TTC23: variants seen among roughly 807,000 people sequenced by gnomAD.
TTC23 encodes tetratricopeptide repeat domain 23.
In TTC23, 58 loss-of-function variants were observed where a neutral mutation model predicts 55.1. The observed-to-expected ratio is 1.05, with a 90% confidence interval of 0.85 to 1.31. The LOEUF is 1.31. TTC23 is among the 50% of genes most tolerant of loss of function. TTC23 has a pLI of 0.00. For synonymous variants in TTC23, 203 were observed against 199.9 expected (o/e 1.02, Z -0.13); for missense variants, 516 against 534.4 (o/e 0.97, Z 0.34).
intron 3 of TTC23, among the ~76,000 whole-genome samples, chr15:99,240,321 TTAA>T (rs2079666070): frequency 6.6e-6 from 1 of 152,362 alleles, no homozygotes; most frequent in South Asian, 2.1e-4. Context: ...ATGCTGCCTC[TTAA>T]TATTGCATCC....
In TTC23 at chr15:99,175,074, C is replaced by T. The variant is rs751075200; in HGVS notation, c.841G>A (p.Ala281Thr). Residue 281 changes from alanine (A) to threonine (T), a missense_variant, in exon 10 of 14, where the codon GCT (alanine) becomes ACT (threonine). Ala to Thr is a moderately conservative substitution (Grantham distance 58). Transcript: ENST00000394132. ...CCATGGTGCTCGTGTCTCCCTGAAG[C>T]GACAGCAGCATGGGCGACGATGTGT... ...SAHIVAHAAV[A>T]SGRHEHHDVA... is the part of the protein sequence containing the mutation. 33 of 1,614,018 alleles carry T rather than the reference C, an allele frequency of 2.0e-5. No homozygotes were observed. The highest frequency in any genetic ancestry group is 1.6e-4 in the Middle Eastern group (1 of 6,084).
At position 99,221,840 on chromosome 15, in the gene TTC23, C is replaced by A. The variant is rs142467925; in HGVS notation, c.205G>T (p.Val69Leu). The A allele has an allele frequency of 2.5e-6, 4 of 1,614,196 alleles. No homozygotes were observed. The highest frequency in any genetic ancestry group is 1.7e-5 in the Admixed American group (1 of 60,032). The change falls in exon 6 of 14, where the codon GTG becomes TTG. Residue 69 changes from valine (V) to leucine (L), a missense_variant. Transcript: ENST00000394132. ...HEYKQAVHELVRCVALTRICY... is the reference protein window; with the variant it reads ...HEYKQAVHELLRCVALTRICY... ...ATTCTTGTCAGTGCTACGCAACGCA[C>A]AAGCTCATGGACGGCCTGTTTGTAC...
At chr15:99,228,228 A>G (rs2078626591) in intron 5 of TTC23, among the ~76,000 whole-genome samples, 1 of 152,226 alleles carries the variant, frequency 6.6e-6, no homozygotes, top group Non-Finnish European at 1.5e-5. Context: ...AAGATTTGAG[A>G]TTATAAGGAA....
At chr15:99,239,323 A>G (rs989727605) in intron 3 of TTC23, among the ~76,000 whole-genome samples, 1 of 152,112 alleles carries the variant, frequency 6.6e-6, no homozygotes, top group Non-Finnish European at 1.5e-5. Context: ...CATCTCTACT[A>G]AAAATACAAA....
chr15:99,238,573 T>C (rs922691126), intron 3 of TTC23, among the ~76,000 whole-genome samples: 1 of 152,062 alleles, frequency 6.6e-6, no homozygotes, highest in Admixed American at 6.6e-5. Context: ...TACAAAAGGC[T>C]TGGAAGTGGG....
chr15:99,139,455 A>G, intron 12 of TTC23, 56 bp from the exon 13 acceptor site: 1 of 1,611,176 alleles, frequency 6.2e-7, no homozygotes, highest in Non-Finnish European at 8.5e-7. Flanking sequence ...GAGAGCAGGA[A>G]ACTAAGGTCT....
intron 4 of TTC23, 23 bp from the exon 5 acceptor site, chr15:99,228,755 A>T: frequency 6.8e-7 from 1 of 1,475,674 alleles, no homozygotes; most frequent in Non-Finnish European, 9.1e-7. Context: ...TAAAAAACAA[A>T]GATGTTAAAT....
rs531002297 is a variant in TTC23 at position 99,231,942 on chromosome 15, G to A, written c.-21+3046C>T. ...TGAGTAGGTGGGATTACAGGCATGC[G>A]CCACCATGCCTGGCTAATTTTGTAT... is the stretch of plus-strand genomic sequence containing the variant. On this transcript the variant is annotated intron_variant, in intron 4 of 13. Transcript: ENST00000394132. Among the ~76,000 whole-genome samples the A allele has an allele frequency of 3.3e-5, 5 of 151,798 alleles. No homozygotes were observed. The East Asian group carries it at 7.9e-4, about 24-fold the overall frequency.
chr15:99,174,462 C>CA (rs34376987), intron 10 of TTC23, among the ~76,000 whole-genome samples: 64,305 of 140,942 alleles, frequency 0.46, 13,939 homozygotes, highest in Middle Eastern at 0.54. Context: ...ATATTATGAC[C>CA]AAAAAAAAAA....
chr15:99,216,734 T>G (rs148628021), intron 8 of TTC23, among the ~76,000 whole-genome samples: 1 of 152,172 alleles, frequency 6.6e-6, no homozygotes, highest in Admixed American at 6.5e-5. Context: ...TTGCCAGTGG[T>G]GTGTTAGGAA....
At chr15:99,191,196 G>T (rs560916717) in intron 9 of TTC23, among the ~76,000 whole-genome samples, 1 of 152,218 alleles carries the variant, frequency 6.6e-6, no homozygotes, top group South Asian at 2.1e-4. Context: ...GCACTATAAA[G>T]CCATAAGTAA....
chr15:99,242,164 C>T (rs2079865483), intron 2 of TTC23, among the ~76,000 whole-genome samples: 1 of 150,708 alleles, frequency 6.6e-6, no homozygotes, highest in Non-Finnish European at 1.5e-5. Flanking sequence ...AAAAAAGAAG[C>T]CATTATGACT....
intron 12 of TTC23, among the ~76,000 whole-genome samples, chr15:99,142,986 T>G (rs2068420603): frequency 6.6e-6 from 1 of 152,166 alleles, no homozygotes; most frequent in African/African-American, 2.4e-5. Context: ...TATATTTGTT[T>G]CCCCTAAGGT....
intron 8 of TTC23, among the ~76,000 whole-genome samples, chr15:99,212,865 G>A (rs537064181): frequency 6.6e-6 from 1 of 151,686 alleles, no homozygotes; most frequent in South Asian, 2.1e-4. Flanking sequence ...CGTGCCTGTA[G>A]TCCCAGCTAG....
At chr15:99,194,545 T>A (rs2075528263) in intron 9 of TTC23, among the ~76,000 whole-genome samples, 1 of 80,740 alleles carries the variant, frequency 1.2e-5, no homozygotes. Context: ...AAATTGGACA[T>A]CACGTGCAAA....
rs193214874 is a variant in TTC23 at position 99,208,407 on chromosome 15, T to A, written c.582-8311A>T. ...GGAAGAATGCATAACAAGCTTCTAT[T>A]TATCAGAAATAGATTTTGTAAGCTT... is the stretch of plus-strand genomic sequence containing the variant. On this transcript the variant is annotated intron_variant, in intron 8 of 13. Coordinates refer to ENST00000394132, the MANE Select transcript of TTC23 (RefSeq NM_001288615.3). Among the ~76,000 whole-genome samples, 6 of 152,296 alleles carry A rather than the reference T, an allele frequency of 3.9e-5. 1 individual carries two copies. Among genetic ancestry groups the A allele is most frequent in the African/African-American group, 1.4e-4 (6 of 41,566 alleles).
At chr15:99,230,286 A>G (rs1014500268) in intron 4 of TTC23, among the ~76,000 whole-genome samples, 5 of 152,208 alleles carry the variant, frequency 3.3e-5, no homozygotes, top group African/African-American at 1.2e-4. Context: ...AAGATACTGC[A>G]GATGAAAAGA....
At chr15:99,168,950 C>T (rs796093627) in intron 10 of TTC23, among the ~76,000 whole-genome samples, 39 of 152,264 alleles carry the variant, frequency 2.6e-4, no homozygotes, top group African/African-American at 9.4e-4. Flanking sequence ...CCTTGCTTGG[C>T]CTCTAACTTG....
rs372860380 is a variant in TTC23 at position 99,228,525 on chromosome 15, C to A, written c.180+8G>T. The A allele has an allele frequency of 5.6e-6, 9 of 1,598,252 alleles. No homozygotes were observed. In the South Asian group the frequency reaches 9.0e-5, roughly 16 times the overall value. On this transcript the variant is annotated splice_region_variant and intron_variant, in intron 5 of 13. Transcript: ENST00000394132. ...AGAGTAGAAATACAGAAACAAAAGTCTCCTTACCTCATGACTGTTGGAATA... is the reference window on the plus strand; with the variant it reads ...AGAGTAGAAATACAGAAACAAAAGTATCCTTACCTCATGACTGTTGGAATA...
Sources: allele counts gnomAD v4.1 joint callset (sites outside exome capture counted in the v4.1 genomes callset), GRCh38; gene constraint gnomAD v4.1.1; transcripts MANE v1.5; gene names NCBI Gene and HGNC (gene_info 2026-07-23, HGNC 2026-07-21).